The following RORA variants were observed in gnomAD, a reference collection of about 807,000 sequenced individuals.
The protein encoded by RORA is nuclear receptor ROR-alpha.
RORA carries 7 observed loss-of-function variants against 69.5 expected under a neutral mutation model. The observed-to-expected ratio is 0.10, with a 90% CI of 0.06 to 0.19. The LOEUF (loss-of-function observed/expected upper bound fraction) is 0.19, where lower values mean the gene tolerates loss of function less well. Ranked by LOEUF, RORA falls within the 10% of genes least tolerant of loss-of-function variation. The pLI is 1.00. For synonymous variants in RORA, 261 were observed against 240.8 expected, an observed-to-expected ratio of 1.08 and a Z score of -0.78; for missense variants, 457 against 663.0, an observed-to-expected ratio of 0.69 and a Z score of 3.41.
intron 1 of RORA, among the ~76,000 whole-genome samples, chr15:60,833,202 C>T (rs539829627): frequency 1.2e-4 from 18 of 149,722 alleles, no homozygotes; most frequent in African/African-American, 2.0e-4. Flanking sequence ...CATGCCCAGC[C>T]GAGTCTTCTT....
At chr15:60,785,801 A>T (rs77902591) in intron 1 of RORA, among the ~76,000 whole-genome samples, 2,704 of 152,298 alleles carry the variant, frequency 0.018, 41 homozygotes, top group Non-Finnish European at 0.027. Flanking sequence ...TATTGAGGCT[A>T]AAGTATTTCC....
At chr15:61,181,341 C>T (rs752139555) in intron 1 of RORA, 5 of 152,116 alleles carry the variant, frequency 3.3e-5, no homozygotes, top group Non-Finnish European at 7.4e-5. Flanking sequence ...AAAACATTAT[C>T]TCCTGGAAGA....
intron 1 of RORA, among the ~76,000 whole-genome samples, chr15:60,715,060 T>C (rs2071201957): frequency 6.6e-6 from 1 of 152,186 alleles, no homozygotes; most frequent in Non-Finnish European, 1.5e-5. Context: ...ACTATGCTGT[T>C]GGAAAGTGCT....
chr15:60,918,436 T>G (rs1891943486), intron 1 of RORA, among the ~76,000 whole-genome samples: 1 of 152,314 alleles, frequency 6.6e-6, no homozygotes, highest in East Asian at 1.9e-4. Flanking sequence ...AGGTACGTAT[T>G]TATTTACACC....
At chr15:60,716,412 A>G (rs1454475677) in intron 1 of RORA, among the ~76,000 whole-genome samples, 1 of 152,210 alleles carries the variant, frequency 6.6e-6, no homozygotes, top group Non-Finnish European at 1.5e-5. Context: ...GCACTGGTCC[A>G]GGGAGAAAAG....
chr15:60,966,486 T>A (rs1168794500), intron 1 of RORA, among the ~76,000 whole-genome samples: 2 of 152,204 alleles, frequency 1.3e-5, no homozygotes, highest in African/African-American at 4.8e-5. Context: ...TTAAAATTTG[T>A]AAGCTCCAAG....
At chr15:60,833,126 G>C (rs376701389) in intron 1 of RORA, among the ~76,000 whole-genome samples, 8 of 151,728 alleles carry the variant, frequency 5.3e-5, no homozygotes, top group African/African-American at 1.9e-4. Flanking sequence ...GGATGGTCTC[G>C]AACTCCTGAC....
chr15:60,819,757 A>ACACACACACACACACACGCG (rs2072864837), intron 1 of RORA, among the ~76,000 whole-genome samples: 8 of 59,498 alleles, frequency 1.3e-4, no homozygotes, highest in African/African-American at 3.0e-4. Context: ...ACACACACAC[A>ACACACACACACACACACGCG]CACACACACA....
At chr15:61,115,179 A>C (rs112421491) in intron 1 of RORA, among the ~76,000 whole-genome samples, 17 of 152,232 alleles carry the variant, frequency 1.1e-4, no homozygotes, top group Non-Finnish European at 1.9e-4. Context: ...GCTCTCTTTC[A>C]TATCTCCAGA....
chr15:60,635,323 T>C (rs2069815701), intron 2 of RORA, among the ~76,000 whole-genome samples: 1 of 152,236 alleles, frequency 6.6e-6, no homozygotes, highest in South Asian at 2.1e-4. Context: ...TGCTGAATTC[T>C]GTGTTTTGGA....
At chr15:60,607,537 T>G (rs2068978310) in intron 2 of RORA, among the ~76,000 whole-genome samples, 1 of 152,230 alleles carries the variant, frequency 6.6e-6, no homozygotes. Context: ...TTCAGTAAGC[T>G]GTGTTCTGAA....
At chr15:60,728,083 T>C (rs2071384913) in intron 1 of RORA, among the ~76,000 whole-genome samples, 1 of 152,206 alleles carries the variant, frequency 6.6e-6, no homozygotes, top group African/African-American at 2.4e-5. Context: ...TGCCAAAGGA[T>C]TTTTTCCATT....
chr15:60,567,318 C>T (rs1394301768), intron 2 of RORA, among the ~76,000 whole-genome samples: 1 of 152,038 alleles, frequency 6.6e-6, no homozygotes, highest in Non-Finnish European at 1.5e-5. Flanking sequence ...ACCTGCCACA[C>T]TCACACCACC....
chr15:60,835,602 T>A lies in RORA; in HGVS notation c.167-156916A>T, dbSNP rs117142921. Among the ~76,000 whole-genome samples the A allele has an allele frequency of 7.9e-5, 12 of 152,348 alleles. No homozygotes were observed. The East Asian group carries it at 2.1e-3, about 27-fold the overall frequency. Reference sequence around the variant, plus strand: ...AGTTTCCATACACATATAACTCTCATGGCAATCGTGATTTCAGGTTATGAC... The same window carrying A: ...AGTTTCCATACACATATAACTCTCAAGGCAATCGTGATTTCAGGTTATGAC... On this transcript the variant is annotated intron_variant, in intron 1 of 10. Coordinates refer to ENST00000335670, the MANE Select transcript of RORA (RefSeq NM_134261.3).
At chr15:61,092,895 T>C (rs902195805) in intron 1 of RORA, among the ~76,000 whole-genome samples, 1 of 152,168 alleles carries the variant, frequency 6.6e-6, no homozygotes, top group African/African-American at 2.4e-5. Context: ...CTCTCCACAG[T>C]GCCTCTCTCC....
intron 1 of RORA, among the ~76,000 whole-genome samples, chr15:61,049,250 C>T (rs982066687): frequency 5.3e-5 from 8 of 152,194 alleles, no homozygotes; most frequent in East Asian, 1.9e-4. Flanking sequence ...TTAAACCACA[C>T]GGCTTCTCAG....
intron 2 of RORA, among the ~76,000 whole-genome samples, chr15:60,673,767 TCTTTA>T: frequency 6.6e-6 from 1 of 152,294 alleles, no homozygotes; most frequent in Admixed American, 6.5e-5. Context: ...CTCCCTCTAG[TCTTTA>T]CTTACAACTA....
chr15:60,829,492 G>T (rs1210333099), intron 1 of RORA, among the ~76,000 whole-genome samples: 1 of 152,122 alleles, frequency 6.6e-6, no homozygotes, highest in African/African-American at 2.4e-5. Context: ...TTGAGTTCTA[G>T]TCCCACAGGA....
chr15:60,755,457 GTC>G (rs2140865827), intron 1 of RORA, among the ~76,000 whole-genome samples: 1 of 152,160 alleles, frequency 6.6e-6, no homozygotes, highest in Non-Finnish European at 1.5e-5. Context: ...GTGTGCATGT[GTC>G]TTTATAGCAG....
Sources: gnomAD v4.1 joint callset for allele counts (sites outside exome capture counted in the v4.1 genomes callset) on GRCh38, gnomAD v4.1.1 for gene constraint, MANE v1.5 for transcripts, NCBI Gene and HGNC (gene_info 2026-07-23, HGNC 2026-07-21) for gene names.